The following SLC8A1 variants were observed in gnomAD, a reference collection of about 807,000 sequenced individuals.
SLC8A1 encodes sodium/calcium exchanger 1.
Under a neutral mutation model 68.3 loss-of-function variants are expected in SLC8A1, and 18 were observed. That is an observed-to-expected ratio of 0.26 (90% CI 0.18 to 0.39). SLC8A1 has a LOEUF of 0.39. Ranked by LOEUF, SLC8A1 falls within the 10% of genes least tolerant of loss-of-function variation. The pLI, the probability that SLC8A1 is intolerant of heterozygous loss-of-function variation, is 1.00. For synonymous variants in SLC8A1, 475 were observed against 415.5 expected, an observed-to-expected ratio of 1.14 and a Z score of -1.74; for missense variants, 985 against 1,156.7, an observed-to-expected ratio of 0.85 and a Z score of 2.15.
chr2:40,281,216 T>A (rs923194087), intron 2 of SLC8A1, among the ~76,000 whole-genome samples: 2 of 152,028 alleles, frequency 1.3e-5, no homozygotes, highest in Non-Finnish European at 2.9e-5. Flanking sequence ...TTCAAAGAAT[T>A]TCATTCCTGA....
upstream of SLC8A1, among the ~76,000 whole-genome samples, chr2:40,456,815 C>T (rs540301609): frequency 6.6e-6 from 1 of 152,182 alleles, no homozygotes; most frequent in Admixed American, 6.5e-5. Context: ...TCAGGTCATC[C>T]AATTATTGAT....
At chr2:40,438,546 C>T (rs1482916671) in intron 1 of SLC8A1, among the ~76,000 whole-genome samples, 6 of 152,152 alleles carry the variant, frequency 3.9e-5, no homozygotes, top group Non-Finnish European at 4.4e-5. Context: ...ACTAAATTTA[C>T]AGTCTGCAAG....
At chr2:40,461,792 GAT>G in intron 1 of SLC8A1, among the ~76,000 whole-genome samples, 1 of 152,110 alleles carries the variant, frequency 6.6e-6, no homozygotes, top group East Asian at 1.9e-4. Flanking sequence ...CAAGTCCAAA[GAT>G]AAAATAAATT....
intron 1 of SLC8A1, among the ~76,000 whole-genome samples, chr2:40,475,736 T>A (rs1037034426): frequency 6.6e-6 from 1 of 152,070 alleles, no homozygotes; most frequent in African/African-American, 2.4e-5. Flanking sequence ...TAAAGCTCTT[T>A]AGTTGCTGAA....
chr2:40,161,217 G>A (rs2072531), intron 5 of SLC8A1, among the ~76,000 whole-genome samples: 56,274 of 152,092 alleles, frequency 0.37, 12,150 homozygotes, highest in Middle Eastern at 0.51. Context: ...GTCTGCAAGT[G>A]AATTAACATA....
chr2:40,378,410 C>G (rs867757637), intron 2 of SLC8A1, among the ~76,000 whole-genome samples: 1 of 151,980 alleles, frequency 6.6e-6, no homozygotes, highest in African/African-American at 2.4e-5. Context: ...AGTACAAGAC[C>G]TAGAAAAACT....
intron 6 of SLC8A1, among the ~76,000 whole-genome samples, chr2:40,149,275 C>T (rs2042996263): frequency 6.6e-6 from 1 of 152,186 alleles, no homozygotes. Context: ...GTATCAGGCA[C>T]AGTTCTAGGC....
intron 6 of SLC8A1, among the ~76,000 whole-genome samples, chr2:40,155,584 G>C (rs567601588): frequency 6.6e-6 from 1 of 152,280 alleles, no homozygotes; most frequent in South Asian, 2.1e-4. Context: ...GCAATCCCTT[G>C]AAACTCATTT....
intron 2 of SLC8A1, among the ~76,000 whole-genome samples, chr2:40,238,952 C>G (rs1254617427): frequency 6.6e-6 from 1 of 151,942 alleles, no homozygotes; most frequent in East Asian, 1.9e-4. Context: ...TGAACTTGCA[C>G]CTGTTATTGT....
chr2:40,396,549 A>G (rs1245848571), intron 2 of SLC8A1, among the ~76,000 whole-genome samples: 2 of 152,116 alleles, frequency 1.3e-5, no homozygotes, highest in Non-Finnish European at 2.9e-5. Context: ...ATAACACGCA[A>G]CACAACACTT....
chr2:40,142,258 A>G (rs1337898343), intron 6 of SLC8A1, among the ~76,000 whole-genome samples: 1 of 152,092 alleles, frequency 6.6e-6, no homozygotes, highest in Non-Finnish European at 1.5e-5. Flanking sequence ...TTAGAGATGC[A>G]ATTCTCAGGG....
At chr2:40,239,314 C>G (rs1021015523) in intron 2 of SLC8A1, among the ~76,000 whole-genome samples, 1 of 152,154 alleles carries the variant, frequency 6.6e-6, no homozygotes, top group African/African-American at 2.4e-5. Flanking sequence ...CATTAGCTGT[C>G]TGAGTGGCAC....
chr2:40,455,837 T>C (rs1198962690), upstream of SLC8A1, among the ~76,000 whole-genome samples: 1 of 152,188 alleles, frequency 6.6e-6, no homozygotes, highest in African/African-American at 2.4e-5. Context: ...CTCACCCAGT[T>C]GTAAACCCTG....
intron 7 of SLC8A1, among the ~76,000 whole-genome samples, chr2:40,125,956 T>C (rs1165523548): frequency 6.6e-6 from 1 of 152,214 alleles, no homozygotes; most frequent in Non-Finnish European, 1.5e-5. Context: ...ATGAATGTTA[T>C]ACTATCTGCT....
Position 40,219,129 on chromosome 2 carries a change from C to A in SLC8A1, c.1809-41274G>T, listed in dbSNP as rs954846639. ...TAGGATTCTCCTAATCTTGGGGAACCCAAGTTTTGTGCCCCTTTCAATTGG... is the reference window on the plus strand; with the variant it reads ...TAGGATTCTCCTAATCTTGGGGAACACAAGTTTTGTGCCCCTTTCAATTGG... On this transcript the variant is annotated intron_variant, in intron 2 of 7. Transcript: ENST00000406785. Among the ~76,000 whole-genome samples the A allele has an allele frequency of 5.3e-5, 8 of 152,144 alleles. No individual in the cohort carries two copies. In the East Asian group the frequency reaches 1.5e-3, roughly 29 times the overall value.
rs188427486 is a variant in SLC8A1, at chr2:40,417,064, T to A, written c.1808+11409A>T. Among the ~76,000 whole-genome samples, 314 of 152,170 alleles carry A rather than the reference T, an allele frequency of 2.1e-3. 3 individuals carry two copies. The highest frequency in any genetic ancestry group is 0.01 in the Middle Eastern group (3 of 292). Reference sequence around the variant, plus strand: ...AAGGAGCATTTTAAAATGTCTTAGGTTATTGATATTTGATTGCTTTTTGAA... The same window carrying A: ...AAGGAGCATTTTAAAATGTCTTAGGATATTGATATTTGATTGCTTTTTGAA... On this transcript the variant is annotated intron_variant, in intron 2 of 7. Coordinates refer to ENST00000406785, the Ensembl canonical transcript of SLC8A1.
chr2:40,142,623 C>A (rs1388724298), intron 6 of SLC8A1, among the ~76,000 whole-genome samples: 2 of 152,132 alleles, frequency 1.3e-5, no homozygotes, highest in African/African-American at 4.8e-5. Context: ...AATAATGAAG[C>A]TTCTCAGAAG....
chr2:40,441,565 G>A (rs2149831237), intron 1 of SLC8A1, among the ~76,000 whole-genome samples: 1 of 151,060 alleles, frequency 6.6e-6, no homozygotes, highest in East Asian at 2.1e-4. Flanking sequence ...TACCAAAACA[G>A]ACATTATAGA....
chr2:40,377,790 C>T (rs1449589950), intron 2 of SLC8A1, among the ~76,000 whole-genome samples: 1 of 152,094 alleles, frequency 6.6e-6, no homozygotes, highest in African/African-American at 2.4e-5. Context: ...CTACCTTCTC[C>T]CTGTTATAGA....
Sources: gnomAD v4.1 joint callset for allele counts (sites outside exome capture counted in the v4.1 genomes callset) on GRCh38, gnomAD v4.1.1 for gene constraint, MANE v1.5 for transcripts, NCBI Gene and HGNC (gene_info 2026-07-23, HGNC 2026-07-21) for gene names.